Variants in SLC35F4 observed in about 807,000 individuals in gnomAD.
SLC35F4 encodes chromosome 14 open reading frame 36.
In SLC35F4, 24 loss-of-function variants were observed where a neutral mutation model predicts 44.2. The ratio of observed to expected loss-of-function variants is 0.54; its 90% CI spans 0.39 to 0.76. The LOEUF (loss-of-function observed/expected upper bound fraction) is 0.76, where lower values mean the gene tolerates loss of function less well. Among genes scored for constraint, SLC35F4 ranks in the 30% least tolerant of loss-of-function variants. SLC35F4 has a pLI of 0.00. For missense variants in SLC35F4, 562 were observed against 586.1 expected, an observed-to-expected ratio of 0.96 and a Z score of 0.42; for synonymous variants, 238 against 223.6, an observed-to-expected ratio of 1.06 and a Z score of -0.57.
chr14:57,941,494 A>C (rs1889916258), intron 1 of SLC35F4, among the ~76,000 whole-genome samples: 1 of 152,226 alleles, frequency 6.6e-6, no homozygotes, highest in African/African-American at 2.4e-5. Context: ...GTAAATACAT[A>C]GATGCAGAAA....
intron 1 of SLC35F4, among the ~76,000 whole-genome samples, chr14:57,719,779 C>A (rs543008174): frequency 6.6e-6 from 1 of 152,188 alleles, no homozygotes; most frequent in East Asian, 1.9e-4. Context: ...TGGCTCCTTT[C>A]TTTCCAATTT....
At position 57,847,635 on chromosome 14, in the gene SLC35F4, T is replaced by C. The variant is rs116991116; in HGVS notation, c.103+18088A>G. ...ATGTTTTATTACAATATAACATACA[T>C]ACAGAAAAGTGCATAAACCTTATGT... On this transcript the variant is annotated intron_variant, in intron 1 of 7. Transcript: ENST00000556826. Among the ~76,000 whole-genome samples the C allele has an allele frequency of 5.4e-3, 820 of 152,318 alleles. 4 individuals carry two copies. Among genetic ancestry groups the C allele is most frequent in the Middle Eastern group, 0.031 (9 of 294 alleles).
rs114464127 is a variant in SLC35F4 at position 57,836,293 on chromosome 14, G to T, written c.103+29430C>A. ...TTGAAATTTTATTTTTTATTTTATT[G>T]ATTGATTGATTGATTGATTTGAGAT... On this transcript the variant is annotated intron_variant, in intron 1 of 7. Coordinates refer to ENST00000556826, the MANE Select transcript of SLC35F4 (RefSeq NM_001306087.2). 8.8e-3 allele frequency among the ~76,000 whole-genome samples: 1,336 copies of T among 151,798 alleles called. 18 individuals carry two copies. The highest frequency in any genetic ancestry group is 0.03 in the African/African-American group (1,253 of 41,394).
intron 1 of SLC35F4, among the ~76,000 whole-genome samples, chr14:57,667,233 A>G (rs1268585996): frequency 6.6e-6 from 1 of 151,920 alleles, no homozygotes; most frequent in African/African-American, 2.4e-5. Flanking sequence ...AGAAGGAGAG[A>G]GACATGTTCT....
At chr14:57,729,176 T>G (rs1356814584) in intron 1 of SLC35F4, among the ~76,000 whole-genome samples, 1 of 152,204 alleles carries the variant, frequency 6.6e-6, no homozygotes, top group Admixed American at 6.5e-5. Flanking sequence ...AACCCTCTTG[T>G]ACTTGAACAT....
At chr14:57,795,152 G>A (rs998334875) in intron 1 of SLC35F4, among the ~76,000 whole-genome samples, 20 of 152,226 alleles carry the variant, frequency 1.3e-4, no homozygotes, top group African/African-American at 4.1e-4. Context: ...ATAAATGTTA[G>A]TAGCTAATAT....
intron 1 of SLC35F4, among the ~76,000 whole-genome samples, chr14:57,729,948 C>T (rs1247963474): frequency 6.6e-6 from 1 of 152,218 alleles, no homozygotes; most frequent in Non-Finnish European, 1.5e-5. Context: ...TACACAGGCA[C>T]TGCCTGAGCT....
intron 1 of SLC35F4, among the ~76,000 whole-genome samples, chr14:57,747,302 C>T (rs759876520): frequency 2.0e-5 from 3 of 152,148 alleles, no homozygotes; most frequent in Non-Finnish European, 4.4e-5. Context: ...TGATAAGAGA[C>T]TCAGTGACAA....
chr14:57,644,687 C>T (rs1304853196), intron 1 of SLC35F4, among the ~76,000 whole-genome samples: 1 of 152,138 alleles, frequency 6.6e-6, no homozygotes, highest in African/African-American at 2.4e-5. Flanking sequence ...GAAGTCCTTG[C>T]CCATGCCTAT....
intron 1 of SLC35F4, among the ~76,000 whole-genome samples, chr14:57,793,833 A>G (rs976424263): frequency 3.3e-5 from 5 of 152,142 alleles, no homozygotes; most frequent in African/African-American, 9.7e-5. Flanking sequence ...ACTAATTTAC[A>G]TTCTCTGTGT....
intron 1 of SLC35F4, among the ~76,000 whole-genome samples, chr14:57,798,791 C>A (rs2078116097): frequency 6.6e-6 from 1 of 152,134 alleles, no homozygotes; most frequent in Non-Finnish European, 1.5e-5. Context: ...CCTGCTCAGC[C>A]AACTTTAGGG....
Position 57,586,991 on chromosome 14 carries a change from A to G in SLC35F4, c.587+2225T>C, listed in dbSNP as rs903282169. Among the ~76,000 whole-genome samples, 3 of 85,410 alleles carry G rather than the reference A, an allele frequency of 3.5e-5. No individual in the cohort carries two copies. The East Asian group carries it at 1.6e-3, about 45-fold the overall frequency. The allele number at this position is 85,410 out of a possible 152,430, so 56.0% of individuals were successfully genotyped here. ...ACCAACAAACACTTCTCAAAAGAAGACGTTTATGCAGCCAACAAGCTATGA... is the reference window on the plus strand; with the variant it reads ...ACCAACAAACACTTCTCAAAAGAAGGCGTTTATGCAGCCAACAAGCTATGA... On this transcript the variant is annotated intron_variant, in intron 3 of 7. Coordinates refer to ENST00000556826, the MANE Select transcript of SLC35F4 (RefSeq NM_001306087.2).
At chr14:57,715,588 G>C (rs1443689047) in intron 1 of SLC35F4, among the ~76,000 whole-genome samples, 1 of 152,184 alleles carries the variant, frequency 6.6e-6, no homozygotes, top group Non-Finnish European at 1.5e-5. Context: ...CTGGGAGTGA[G>C]TGACTAAAAT....
intron 1 of SLC35F4, among the ~76,000 whole-genome samples, chr14:57,691,717 G>T (rs62005178): frequency 0.059 from 8,925 of 152,160 alleles, 396 homozygotes; most frequent in Non-Finnish European, 0.089. Flanking sequence ...ATTCAGCTGG[G>T]CTCTATTAGG....
intron 1 of SLC35F4, among the ~76,000 whole-genome samples, chr14:57,849,310 C>A (rs959271406): frequency 1.3e-5 from 2 of 152,138 alleles, no homozygotes; most frequent in South Asian, 2.1e-4. Flanking sequence ...TATAGGCATG[C>A]GCCACCATGC....
chr14:57,876,013 T>C (rs1006040423), intron 1 of SLC35F4, among the ~76,000 whole-genome samples: 2 of 152,212 alleles, frequency 1.3e-5, no homozygotes, highest in Non-Finnish European at 2.9e-5. Context: ...GTAACTTCAT[T>C]AAGCAAAATC....
intron 1 of SLC35F4, among the ~76,000 whole-genome samples, chr14:57,770,006 T>C (rs765569802): frequency 5.3e-5 from 8 of 152,126 alleles, no homozygotes; most frequent in Non-Finnish European, 1.0e-4. Context: ...GTTCTGAATT[T>C]AGAAAAGAAA....
At chr14:57,569,626 T>A (rs2068384324) in intron 6 of SLC35F4, among the ~76,000 whole-genome samples, 162 bp downstream of exon 6, 1 of 152,156 alleles carries the variant, frequency 6.6e-6, no homozygotes, top group East Asian at 1.9e-4. Context: ...AATCAACCAG[T>A]AGCTTGCAAA....
At chr14:57,906,706 C>T (rs1367642236) in intron 1 of SLC35F4, among the ~76,000 whole-genome samples, 5 of 152,174 alleles carry the variant, frequency 3.3e-5, no homozygotes, top group African/African-American at 1.2e-4. Flanking sequence ...CTATGGCTAA[C>T]ATCCGAGCAA....
Sources: allele counts gnomAD v4.1 joint callset (sites outside exome capture counted in the v4.1 genomes callset), GRCh38; gene constraint gnomAD v4.1.1; transcripts MANE v1.5; gene names NCBI Gene and HGNC (gene_info 2026-07-23, HGNC 2026-07-21).